JAK1: variants seen among roughly 807,000 people sequenced by gnomAD.
JAK1 encodes the protein tyrosine-protein kinase JAK1.
In JAK1, 16 loss-of-function variants were observed where a neutral mutation model predicts 136.6. That is an observed-to-expected ratio of 0.12 (90% CI 0.08 to 0.18). The LOEUF (loss-of-function observed/expected upper bound fraction) is 0.18. Ranked by LOEUF, JAK1 falls within the 10% of genes least tolerant of loss-of-function variation. The pLI is 1.00. For synonymous variants in JAK1, 492 were observed against 519.5 expected, an observed-to-expected ratio of 0.95 and a Z score of 0.72; for missense variants, 859 against 1,450.1, an observed-to-expected ratio of 0.59 and a Z score of 6.62.
At chr1:65,019,770 G>A (rs1245711491) in intron 2 of JAK1, among the ~76,000 whole-genome samples, 1 of 151,998 alleles carries the variant, frequency 6.6e-6, no homozygotes. Flanking sequence ...TCAAAAATTA[G>A]CAAGGTGTGG....
chr1:64,913,969 T>G (rs544571558), intron 1 of JAK1, among the ~76,000 whole-genome samples: 4 of 152,002 alleles, frequency 2.6e-5, no homozygotes, highest in African/African-American at 9.7e-5. Flanking sequence ...GGAGGGTGCG[T>G]TGGGGGGTGA....
rs1041450728 is a variant in JAK1 at position 64,833,414 on chromosome 1, C to T, written c.*1148G>A. On this transcript the variant is annotated 3_prime_UTR_variant, in exon 25 of 25. Transcript: ENST00000342505. ...GAAAAGTAACAATATCAAACGAATACTAAACAGCATAACAAAAAGATTTTC... is the reference window on the plus strand; with the variant it reads ...GAAAAGTAACAATATCAAACGAATATTAAACAGCATAACAAAAAGATTTTC... The T allele has an allele frequency of 3.4e-5, 8 of 232,748 alleles. No individual in the cohort carries two copies. The Admixed American group carries it at 4.5e-4, about 13-fold the overall frequency. The allele number at this position is 232,748 out of a possible 1,614,324, so 14.4% of individuals were successfully genotyped here.
chr1:65,055,441 A>G (rs1647488385), intron 1 of JAK1, among the ~76,000 whole-genome samples: 1 of 152,164 alleles, frequency 6.6e-6, no homozygotes, highest in East Asian at 1.9e-4. Context: ...GTTATTGTGA[A>G]TCATGTTGCT....
intron 1 of JAK1, among the ~76,000 whole-genome samples, chr1:65,053,229 C>A (rs1647370151): frequency 6.6e-6 from 1 of 151,586 alleles, no homozygotes. Flanking sequence ...TGCCTGTAGT[C>A]CCAGCTACTC....
intron 4 of JAK1, among the ~76,000 whole-genome samples, chr1:64,876,793 G>A (rs1284903498): frequency 6.6e-6 from 1 of 152,012 alleles, no homozygotes; most frequent in Non-Finnish European, 1.5e-5. Context: ...ATGACGTGGA[G>A]GAACAAAGCA....
chr1:64,855,967 G>A (rs537840650), intron 10 of JAK1, among the ~76,000 whole-genome samples: 11 of 152,282 alleles, frequency 7.2e-5, no homozygotes, highest in South Asian at 2.1e-4. Context: ...CTACAAAAGC[G>A]TCACTTGGTT....
At chr1:64,955,549 G>GA (rs1363847667) in intron 1 of JAK1, among the ~76,000 whole-genome samples, 2 of 152,206 alleles carry the variant, frequency 1.3e-5, no homozygotes, top group Non-Finnish European at 2.9e-5. Context: ...GAGTATGCTA[G>GA]AAAGTTAAAC....
chr1:65,052,118 ATTTTTTTT>A (rs71056073), intron 1 of JAK1, among the ~76,000 whole-genome samples: 5 of 93,566 alleles, frequency 5.3e-5, no homozygotes, highest in African/African-American at 1.3e-4. Flanking sequence ...ACGCCTGGCT[ATTTTTTTT>A]TTTTTTTTTT....
At chr1:65,027,789 C>T (rs573024702) in intron 2 of JAK1, among the ~76,000 whole-genome samples, 1 of 152,220 alleles carries the variant, frequency 6.6e-6, no homozygotes, top group East Asian at 1.9e-4. Flanking sequence ...GTGGTCATGC[C>T]CTAGTACCCC....
intron 1 of JAK1, among the ~76,000 whole-genome samples, chr1:64,909,532 T>A (rs1645246770): frequency 6.6e-6 from 1 of 151,604 alleles, no homozygotes; most frequent in Admixed American, 6.6e-5. Context: ...AGAAAACAGA[T>A]CTTCTAGGCC....
intron 1 of JAK1, among the ~76,000 whole-genome samples, chr1:64,890,651 G>C (rs1644921063): frequency 6.6e-6 from 1 of 152,190 alleles, no homozygotes; most frequent in Non-Finnish European, 1.5e-5. Flanking sequence ...TCTTCATCAA[G>C]TACCTACAAT....
chr1:64,998,314 A>G (rs1388389679), intron 2 of JAK1, among the ~76,000 whole-genome samples: 3 of 152,248 alleles, frequency 2.0e-5, no homozygotes, highest in Non-Finnish European at 4.4e-5. Context: ...AGTAATTACC[A>G]TACTTACATG....
At chr1:64,893,711 CAAAT>C (rs1266905905) in intron 1 of JAK1, among the ~76,000 whole-genome samples, 6 of 152,130 alleles carry the variant, frequency 3.9e-5, no homozygotes, top group Non-Finnish European at 8.8e-5. Context: ...AAAAAAGAAA[CAAAT>C]AAAACAAACC....
chr1:64,878,860 A>T (rs2101212939), intron 4 of JAK1, among the ~76,000 whole-genome samples, 165 bp downstream of exon 4: 1 of 152,272 alleles, frequency 6.6e-6, no homozygotes, highest in South Asian at 2.1e-4. Flanking sequence ...CTTGAATTGT[A>T]TTCCAAATAC....
chr1:65,021,707 C>G (rs1476705561), intron 2 of JAK1, among the ~76,000 whole-genome samples: 1 of 152,100 alleles, frequency 6.6e-6, no homozygotes. Flanking sequence ...GATATATTAC[C>G]CCTTTTCTAT....
At chr1:64,883,125 G>A (rs544727160) in intron 3 of JAK1, 152 bp downstream of exon 3, 14 of 575,440 alleles carry the variant, frequency 2.4e-5, no homozygotes, top group Admixed American at 2.4e-4. Flanking sequence ...CTAAGGTCAC[G>A]TGCAAGTGGC....
chr1:64,909,715 T>C (rs572750051), intron 1 of JAK1, among the ~76,000 whole-genome samples: 4 of 151,420 alleles, frequency 2.6e-5, no homozygotes, highest in African/African-American at 7.3e-5. Flanking sequence ...TCCCAGCTAC[T>C]TGGGAGGCTG....
chr1:64,942,006 T>C (rs1645899221), intron 1 of JAK1: 1 of 152,150 alleles, frequency 6.6e-6, no homozygotes, highest in Non-Finnish European at 1.5e-5. Context: ...GATCCAGAAT[T>C]ATATAAAAAT....
chr1:65,031,155 C>CAAAAAAAA (rs375856684), intron 2 of JAK1, among the ~76,000 whole-genome samples: 2 of 68,278 alleles, frequency 2.9e-5, no homozygotes, highest in Non-Finnish European at 3.0e-5. Context: ...GACCCTATCT[C>CAAAAAAAA]AAAAAAAAAA....
Sources: allele counts gnomAD v4.1 joint callset (sites outside exome capture counted in the v4.1 genomes callset), GRCh38; gene constraint gnomAD v4.1.1; transcripts MANE v1.5; gene names NCBI Gene and HGNC (gene_info 2026-07-23, HGNC 2026-07-21).